Variants in ERP44 observed in about 807,000 individuals in gnomAD.
ERP44 encodes endoplasmic reticulum protein 44.
In ERP44, 25 loss-of-function variants were observed where a neutral mutation model predicts 53.4. The observed-to-expected ratio is 0.47, with a 90% CI of 0.34 to 0.65. ERP44 has a LOEUF of 0.65. Among genes scored for constraint, ERP44 ranks in the 30% least tolerant of loss-of-function variants. The probability of loss-of-function intolerance (pLI) is 0.01; values close to 1 mark genes in which losing one functional copy is unlikely to be tolerated. For missense variants in ERP44, 338 were observed against 493.2 expected (o/e 0.69, Z 2.98); for synonymous variants, 145 against 161.2 (o/e 0.90, Z 0.76).
At chr9:100,064,793 AT>A (rs1826191713) in intron 1 of ERP44, among the ~76,000 whole-genome samples, 2 of 150,162 alleles carry the variant, frequency 1.3e-5, no homozygotes, top group South Asian at 4.2e-4. Flanking sequence ...TAATGTGTGT[AT>A]TTTTGTCTTG....
chr9:99,995,802 T>C (rs1009054756), intron 10 of ERP44, among the ~76,000 whole-genome samples: 3 of 152,196 alleles, frequency 2.0e-5, no homozygotes, highest in Non-Finnish European at 2.9e-5. Flanking sequence ...ATTCCGTATC[T>C]TGCCTATTGT....
chr9:100,056,649 C>T (rs1043613237), intron 3 of ERP44, among the ~76,000 whole-genome samples: 1 of 152,148 alleles, frequency 6.6e-6, no homozygotes, highest in South Asian at 2.1e-4. Context: ...AAAATGGCAT[C>T]TAATCTAAGA....
Position 100,098,830 on chromosome 9 carries a change from G to A in ERP44, c.11C>T (p.Ala4Val), listed in dbSNP as rs1471934423. 2.5e-6 allele frequency: 4 copies of A among 1,613,644 alleles called. No homozygotes were observed. The highest frequency in any genetic ancestry group is 3.3e-5 in the Admixed American group (2 of 59,984). The change falls in exon 1 of 12, where the codon GCC becomes GTC. Residue 4 changes from alanine (A) to valine (V), a missense_variant. Coordinates refer to ENST00000262455, the MANE Select transcript of ERP44 (RefSeq NM_015051.3). MHPAVFLSLPDLRC... is the reference protein window; with the variant it reads MHPVVFLSLPDLRC... ...GAGGTCGGGTAAGGATAGGAAGACGGCAGGATGCATGGTAACGCTGGGGTC... is the reference window on the plus strand; with the variant it reads ...GAGGTCGGGTAAGGATAGGAAGACGACAGGATGCATGGTAACGCTGGGGTC...
At chr9:100,049,487 T>C (rs1178615182) in intron 4 of ERP44, among the ~76,000 whole-genome samples, 2 of 152,160 alleles carry the variant, frequency 1.3e-5, no homozygotes, top group Non-Finnish European at 2.9e-5. Flanking sequence ...CACAGATACA[T>C]GAATGTATAT....
chr9:99,990,449 C>G (rs1830241687), intron 10 of ERP44, among the ~76,000 whole-genome samples: 1 of 152,162 alleles, frequency 6.6e-6, no homozygotes, highest in African/African-American at 2.4e-5. Flanking sequence ...AAATCCTTTA[C>G]AGACAAGCAA....
chr9:100,060,831 T>C (rs558327536), intron 1 of ERP44, among the ~76,000 whole-genome samples: 1 of 152,360 alleles, frequency 6.6e-6, no homozygotes, highest in African/African-American at 2.4e-5. Context: ...TGTTTACTTA[T>C]TTTAAAAAGT....
chr9:100,020,558 A>G, intron 6 of ERP44, 58 bp downstream of exon 6: 1 of 838,220 alleles, frequency 1.2e-6, no homozygotes, highest in South Asian at 1.4e-5. Context: ...CAAATACAAC[A>G]GCAATTTAAC....
chr9:99,985,624 G>A (rs536797509), intron 10 of ERP44, among the ~76,000 whole-genome samples: 2 of 152,278 alleles, frequency 1.3e-5, no homozygotes, highest in African/African-American at 2.4e-5. Context: ...GCCTACTTTT[G>A]AGGTTCGGGT....
chr9:100,059,397 C>T (rs976857867), intron 2 of ERP44, among the ~76,000 whole-genome samples: 4 of 152,138 alleles, frequency 2.6e-5, no homozygotes, highest in Non-Finnish European at 5.9e-5. Flanking sequence ...CAGTAAAAAA[C>T]TTATTAGGCC....
At position 100,061,954 on chromosome 9, in the gene ERP44, C is replaced by T. The variant is rs148409939; in HGVS notation, c.58-1782G>A. ...AGCAGAAGCAAAAAGGTCTCCCTGA[C>T]CTTCTCCTGCCCTTCTTCCCTAAAA... On this transcript the variant is annotated intron_variant, in intron 1 of 11. Coordinates refer to ENST00000262455, the MANE Select transcript of ERP44 (RefSeq NM_015051.3). Among the ~76,000 whole-genome samples, 581 of 152,282 alleles carry T rather than the reference C, an allele frequency of 3.8e-3. 3 individuals carry two copies. The highest frequency in any genetic ancestry group is 5.6e-3 in the Non-Finnish European group (379 of 68,016).
At chr9:100,004,547 T>G (rs1830408998) in intron 10 of ERP44, among the ~76,000 whole-genome samples, 1 of 152,088 alleles carries the variant, frequency 6.6e-6, no homozygotes, top group Admixed American at 6.5e-5. Context: ...TGGCACTGGG[T>G]TTTACCAGGA....
At chr9:100,002,812 C>A (rs1337616057) in intron 10 of ERP44, among the ~76,000 whole-genome samples, 1 of 152,190 alleles carries the variant, frequency 6.6e-6, no homozygotes, top group Non-Finnish European at 1.5e-5. Flanking sequence ...TGGACTAAAT[C>A]TGATTGGAGT....
chr9:99,986,999 C>A (rs931066676), intron 10 of ERP44, among the ~76,000 whole-genome samples: 2 of 152,216 alleles, frequency 1.3e-5, no homozygotes, highest in Non-Finnish European at 2.9e-5. Flanking sequence ...CAAAGATTAT[C>A]ACAACTAATA....
intron 1 of ERP44, among the ~76,000 whole-genome samples, chr9:100,061,090 C>G (rs1047052799): frequency 1.3e-5 from 2 of 152,156 alleles, no homozygotes; most frequent in Non-Finnish European, 2.9e-5. Flanking sequence ...ACAATTCAAT[C>G]TAAATGCTAT....
chr9:100,061,878 G>T (rs942365414), intron 1 of ERP44, among the ~76,000 whole-genome samples: 2 of 152,038 alleles, frequency 1.3e-5, no homozygotes, highest in African/African-American at 2.4e-5. Context: ...ACTATTGATG[G>T]GGTTTAGAAC....
intron 1 of ERP44, among the ~76,000 whole-genome samples, chr9:100,067,438 C>T (rs955579393): frequency 1.4e-4 from 21 of 152,234 alleles, no homozygotes; most frequent in Admixed American, 3.9e-4. Flanking sequence ...AGTGATCCGC[C>T]AGCCTCGGCC....
chr9:100,054,640 G>A (rs944961429), intron 3 of ERP44, among the ~76,000 whole-genome samples: 3 of 152,122 alleles, frequency 2.0e-5, no homozygotes, highest in Admixed American at 6.5e-5. Context: ...TTTGGATTTC[G>A]TATTTTTGGG....
At chr9:100,013,091 A>G (rs1830492505) in intron 8 of ERP44, among the ~76,000 whole-genome samples, 1 of 152,190 alleles carries the variant, frequency 6.6e-6, no homozygotes, top group Non-Finnish European at 1.5e-5. Flanking sequence ...CTTCCCCAAG[A>G]AAGGGAGAAA....
chr9:100,010,401 T>C (rs774732201), intron 8 of ERP44, among the ~76,000 whole-genome samples: 19 of 152,214 alleles, frequency 1.2e-4, no homozygotes, highest in Non-Finnish European at 2.2e-4. Context: ...GGAAGGGAGA[T>C]GCCGTTTCAC....
Sources: allele counts gnomAD v4.1 joint callset (sites outside exome capture counted in the v4.1 genomes callset), GRCh38; gene constraint gnomAD v4.1.1; transcripts MANE v1.5; gene names NCBI Gene and HGNC (gene_info 2026-07-23, HGNC 2026-07-21).